Variants in MTUS2 observed in about 807,000 individuals in gnomAD.
MTUS2 encodes microtubule-associated tumor suppressor candidate 2.
In MTUS2, 40 loss-of-function variants were observed where a neutral mutation model predicts 114.1. That is an observed-to-expected ratio of 0.35 (90% CI 0.27 to 0.46). The LOEUF (loss-of-function observed/expected upper bound fraction) is 0.46. MTUS2 is among the 20% of genes least tolerant of loss of function. The probability of loss-of-function intolerance (pLI) is 1.00; values close to 1 mark genes in which losing one functional copy is unlikely to be tolerated. For missense variants in MTUS2, 1,679 were observed against 1,705.4 expected (o/e 0.98, Z 0.27); for synonymous variants, 688 against 672.0 (o/e 1.02, Z -0.37).
chr13:29,166,019 C>G (rs866575514), intron 5 of MTUS2, among the ~76,000 whole-genome samples: 1 of 152,194 alleles, frequency 6.6e-6, no homozygotes, highest in African/African-American at 2.4e-5. Context: ...TGTGAGAGAT[C>G]CTTGTCGTAA....
Position 28,937,754 on chromosome 13 carries a change from C to T in MTUS2, c.-242-86703C>T, listed in dbSNP as rs374803582. On this transcript the variant is annotated intron_variant, in intron 2 of 15. Coordinates refer to ENST00000612955, the MANE Select transcript of MTUS2 (RefSeq NM_001033602.4). ...GCCTAGAGTGTCCCTGAGTGGGGTG[C>T]AGTGACCTTCTTGGTGCCATGGTTT... Among the ~76,000 whole-genome samples the T allele has an allele frequency of 3.3e-5, 5 of 152,242 alleles. No individual in the cohort carries two copies. In the East Asian group the frequency reaches 5.8e-4, roughly 18 times the overall value.
intron 5 of MTUS2, among the ~76,000 whole-genome samples, chr13:29,115,080 T>G (rs947959943): frequency 1.3e-5 from 2 of 152,274 alleles, no homozygotes; most frequent in Middle Eastern, 3.4e-3. Flanking sequence ...ACAGGATAAA[T>G]GAAATGAAAT....
chr13:29,093,383 C>T (rs566512512), intron 4 of MTUS2, among the ~76,000 whole-genome samples: 42 of 152,242 alleles, frequency 2.8e-4, no homozygotes, highest in African/African-American at 9.4e-4. Context: ...GTGGAAGTTG[C>T]AGTGAGCCGA....
At chr13:29,245,252 G>A (rs1210891132) in intron 5 of MTUS2, among the ~76,000 whole-genome samples, 1 of 152,100 alleles carries the variant, frequency 6.6e-6, no homozygotes, top group Non-Finnish European at 1.5e-5. Flanking sequence ...CATGGTTTTT[G>A]TTGGAATGAG....
intron 5 of MTUS2, among the ~76,000 whole-genome samples, chr13:29,152,492 T>C (rs186464381): frequency 2.4e-4 from 37 of 152,286 alleles, no homozygotes; most frequent in Admixed American, 1.2e-3. Flanking sequence ...TTTGCTGGCA[T>C]CCTCTGGCTC....
At chr13:29,001,952 T>C (rs9670420) in intron 2 of MTUS2, among the ~76,000 whole-genome samples, 2,692 of 152,292 alleles carry the variant, frequency 0.018, 83 homozygotes, top group African/African-American at 0.061. Context: ...TTTTGTGAGA[T>C]ACATTTCTCC....
At chr13:28,952,728 T>G (rs1882871526) in intron 2 of MTUS2, among the ~76,000 whole-genome samples, 1 of 152,264 alleles carries the variant, frequency 6.6e-6, no homozygotes, top group African/African-American at 2.4e-5. Flanking sequence ...GTTTTTTCAT[T>G]AAACAAAACT....
chr13:29,332,194 C>T (rs570088722), intron 7 of MTUS2, among the ~76,000 whole-genome samples: 15 of 152,134 alleles, frequency 9.9e-5, no homozygotes, highest in East Asian at 3.9e-4. Flanking sequence ...GGTCCTGGGC[C>T]GTTTTTCGTT....
At chr13:29,264,413 A>T (rs544376675) in intron 5 of MTUS2, among the ~76,000 whole-genome samples, 1 of 152,306 alleles carries the variant, frequency 6.6e-6, no homozygotes, top group Admixed American at 6.5e-5. Flanking sequence ...GGTCTGGAGG[A>T]TGGCGGCCCC....
intron 1 of MTUS2, among the ~76,000 whole-genome samples, chr13:28,832,181 TA>T (rs1296985739): frequency 2.0e-5 from 3 of 152,182 alleles, no homozygotes; most frequent in African/African-American, 7.2e-5. Context: ...AACAGACACC[TA>T]AAGAACACTT....
At chr13:28,897,586 G>GACAC (rs769998353) in intron 2 of MTUS2, among the ~76,000 whole-genome samples, 2 of 151,764 alleles carry the variant, frequency 1.3e-5, no homozygotes, top group African/African-American at 2.4e-5. Flanking sequence ...CTGCTATAAA[G>GACAC]ACACACACAC....
At chr13:29,220,962 A>G (rs1455300047) in intron 5 of MTUS2, among the ~76,000 whole-genome samples, 4 of 152,242 alleles carry the variant, frequency 2.6e-5, no homozygotes, top group African/African-American at 7.2e-5. Flanking sequence ...CTATATATCA[A>G]TTATCCTATT....
At chr13:29,489,027 G>A (rs748704028) in intron 11 of MTUS2, among the ~76,000 whole-genome samples, 3 of 152,168 alleles carry the variant, frequency 2.0e-5, no homozygotes, top group Non-Finnish European at 4.4e-5. Flanking sequence ...GCTCACACCC[G>A]TAATCCCAGC....
At chr13:28,903,568 C>T (rs1879784370) in intron 2 of MTUS2, among the ~76,000 whole-genome samples, 1 of 151,692 alleles carries the variant, frequency 6.6e-6, no homozygotes, top group Admixed American at 6.6e-5. Flanking sequence ...CCAGCTTCAT[C>T]CATGTCCCTA....
At chr13:29,465,112 A>G (rs1879793139) in intron 9 of MTUS2, among the ~76,000 whole-genome samples, 1 of 152,218 alleles carries the variant, frequency 6.6e-6, no homozygotes, top group African/African-American at 2.4e-5. Context: ...TACACAGAGG[A>G]CACAGTAGAG....
At chr13:29,382,659 A>G (rs1872305605) in intron 8 of MTUS2, among the ~76,000 whole-genome samples, 1 of 152,228 alleles carries the variant, frequency 6.6e-6, no homozygotes, top group South Asian at 2.1e-4. Flanking sequence ...TGGCCAGCAC[A>G]TCTTGTCAAC....
chr13:29,189,456 C>T (rs1448000819), intron 5 of MTUS2, among the ~76,000 whole-genome samples: 1 of 151,846 alleles, frequency 6.6e-6, no homozygotes, highest in African/African-American at 2.4e-5. Flanking sequence ...GTAAAGCTAT[C>T]TTTGCTTTAG....
intron 2 of MTUS2, among the ~76,000 whole-genome samples, chr13:28,880,142 G>A (rs1280460191): frequency 6.6e-6 from 1 of 152,086 alleles, no homozygotes; most frequent in Non-Finnish European, 1.5e-5. Context: ...TTAATAATGT[G>A]ATTTAAGGAA....
chr13:29,433,789 G>A (rs1171390991), intron 8 of MTUS2, among the ~76,000 whole-genome samples: 3 of 152,160 alleles, frequency 2.0e-5, no homozygotes, highest in Non-Finnish European at 4.4e-5. Context: ...TAAACTCATA[G>A]AGCCCTACGT....
Sources: gnomAD v4.1 joint callset for allele counts (sites outside exome capture counted in the v4.1 genomes callset) on GRCh38, gnomAD v4.1.1 for gene constraint, MANE v1.5 for transcripts, NCBI Gene and HGNC (gene_info 2026-07-23, HGNC 2026-07-21) for gene names.